Variants in CCDC159 observed in about 807,000 individuals in gnomAD.
CCDC159 encodes coiled-coil domain-containing protein 159.
CCDC159 carries 40 observed loss-of-function variants against 50.9 expected under a neutral mutation model. That is an observed-to-expected ratio of 0.79 (90% CI 0.61 to 1.02). The LOEUF (loss-of-function observed/expected upper bound fraction) is 1.02. CCDC159 is among the 50% of genes least tolerant of loss of function. CCDC159 has a pLI of 0.00. For missense variants in CCDC159, 356 were observed against 371.5 expected (o/e 0.96, Z 0.34); for synonymous variants, 146 against 138.9 (o/e 1.05, Z -0.36).
intron 9 of CCDC159, among the ~76,000 whole-genome samples, chr19:11,354,321 T>C (rs1967758489): frequency 6.6e-6 from 1 of 152,096 alleles, no homozygotes; most frequent in Non-Finnish European, 1.5e-5. Flanking sequence ...GCCTGCGAGG[T>C]TGAGGCTGCA....
At chr19:11,351,152 T>G in intron 5 of CCDC159, 149 bp downstream of exon 5, 5 of 769,566 alleles carry the variant, frequency 6.5e-6, no homozygotes, top group Non-Finnish European at 1.0e-5. Context: ...GAAGAGGGAA[T>G]GAGGCCGGGT....
intron 9 of CCDC159, among the ~76,000 whole-genome samples, chr19:11,354,226 A>G (rs561421116): frequency 9.2e-5 from 14 of 152,146 alleles, no homozygotes; most frequent in African/African-American, 2.4e-4. Flanking sequence ...AAAAATTTAA[A>G]AACTAGCTGG....
intron 1 of CCDC159, chr19:11,349,136 C>T (rs928619882): frequency 7.4e-7 from 1 of 1,352,100 alleles, no homozygotes; most frequent in Middle Eastern, 2.1e-4. Context: ...CAGTCCAGAC[C>T]TGCAGAAGCA....
Position 11,353,878 on chromosome 19 carries a change from AG to A in CCDC159, c.772+7del. On this transcript the variant is annotated splice_donor_5th_base_variant and intron_variant, in intron 9 of 10. Coordinates refer to ENST00000458408, the MANE Select transcript of CCDC159 (RefSeq NM_001080503.3). The stretch of plus-strand genomic sequence containing the variant: ...CCCAAGGCCTCGAGCCTAAGAGGTG[AG>A]GGAGGCTGAGAATTGCTCAGGGGTG... The A allele has an allele frequency of 6.4e-7, 1 of 1,561,206 alleles. No individual in the cohort carries two copies. The highest frequency in any genetic ancestry group is 8.7e-7 in the Non-Finnish European group (1 of 1,154,754).
intron 9 of CCDC159, 109 bp downstream of exon 9, chr19:11,353,983 A>G (rs750001032): frequency 1.2e-6 from 1 of 843,068 alleles, no homozygotes; most frequent in Non-Finnish European, 1.8e-6. Flanking sequence ...GTGTTATTCT[A>G]TGGTCACATT....
At position 11,350,212 on chromosome 19, in the gene CCDC159, C is replaced by A. The variant is rs1362464344; in HGVS notation, c.226+13C>A. ...CAGCAGCTTGAAGGTGAGGACTGACCAGAGATCAAGGTCAGGCTAGGCCAG... is the reference window on the plus strand; with the variant it reads ...CAGCAGCTTGAAGGTGAGGACTGACAAGAGATCAAGGTCAGGCTAGGCCAG... On this transcript the variant is annotated intron_variant, in intron 4 of 10. Transcript: ENST00000458408. The A allele has an allele frequency of 6.2e-7, 1 of 1,605,336 alleles. No homozygotes were observed. Among genetic ancestry groups the A allele is most frequent in the South Asian group, 1.1e-5 (1 of 89,724 alleles).
intron 9 of CCDC159, among the ~76,000 whole-genome samples, chr19:11,354,237 G>A (rs935501913): frequency 6.6e-6 from 1 of 151,948 alleles, no homozygotes; most frequent in Non-Finnish European, 1.5e-5. Context: ...AACTAGCTGG[G>A]TGATGGTGCA....
chr19:11,351,695 G>A, intron 5 of CCDC159: 2 of 522,668 alleles, frequency 3.8e-6, no homozygotes, highest in Non-Finnish European at 3.4e-6. Flanking sequence ...AGGAGGCTGA[G>A]TGGGGTGGGA....
intron 4 of CCDC159, among the ~76,000 whole-genome samples, chr19:11,350,514 G>A (rs1321654361): frequency 3.9e-5 from 6 of 152,100 alleles, no homozygotes; most frequent in Admixed American, 3.3e-4. Context: ...TTAGCCAGGC[G>A]TGGTGGTATG....
chr19:11,348,086 A>C (rs1371966667), intron 1 of CCDC159: 4 of 453,654 alleles, frequency 8.8e-6, no homozygotes, highest in South Asian at 6.3e-5. Flanking sequence ...AGCCATCATG[A>C]ATTTACCAGC....
Position 11,351,948 on chromosome 19 carries a change from G to A in CCDC159, c.465G>A (p.Glu155=). The stretch of plus-strand genomic sequence containing the variant: ...AGGAGCTGGAACTGGTGCGGGAGGA[G>A]GTGACCTTCATCTATCAGAAGCTCC... ...LWEELELVRE[E]VTFIYQKLQA... is the part of the protein sequence containing the mutation. Residue 155 remains glutamate (E), a synonymous_variant, in exon 6 of 11, where the codon GAG becomes GAA. Transcript: ENST00000458408. The A allele has an allele frequency of 1.2e-6, 2 of 1,606,468 alleles. No individual in the cohort carries two copies. Among genetic ancestry groups the A allele is most frequent in the Non-Finnish European group, 1.7e-6 (2 of 1,176,770 alleles).
Position 11,349,930 on chromosome 19 carries a change from GC to G in CCDC159, c.56-5del, listed in dbSNP as rs758176265. ...ACAGCCCTGGCTCACCCTCTTCTCT[GC>G]CCACAGCCAAGACCATTGTGATGAT... On this transcript the variant is annotated splice_region_variant and splice_polypyrimidine_tract_variant and intron_variant, in intron 2 of 10. Transcript: ENST00000458408. 6 of 1,613,246 alleles carry G rather than the reference GC, an allele frequency of 3.7e-6. No homozygotes were observed. Among genetic ancestry groups the G allele is most frequent in the African/African-American group, 1.3e-5 (1 of 74,732 alleles).
At chr19:11,346,901 C>T (rs36106958) in intron 1 of CCDC159, among the ~76,000 whole-genome samples, 13,869 of 152,194 alleles carry the variant, frequency 0.091, 1,239 homozygotes, top group African/African-American at 0.24. Flanking sequence ...CACAGCTCCC[C>T]ATTACTCTAT....
Position 11,350,152 on chromosome 19 carries a change from T to G in CCDC159, c.179T>G (p.Leu60Trp). The G allele has an allele frequency of 6.2e-7, 1 of 1,613,372 alleles. No homozygotes were observed. The highest frequency in any genetic ancestry group is 1.1e-5 in the South Asian group (1 of 90,980). Residue 60 changes from leucine to tryptophan, a missense_variant, in exon 4 of 11, where the codon TTG (leucine) becomes TGG (tryptophan). Physicochemically the swap from Leu to Trp is moderately conservative, Grantham distance 61 (BLOSUM62 -2). Transcript: ENST00000458408. ...FEFLNHSVTMLEKESCLQQIK... is the reference protein window; with the variant it reads ...FEFLNHSVTMWEKESCLQQIK... ...TTCCTGAACCACTCAGTGACCATGT[T>G]GGAGAAGGAGAGCTGCTTGCAGCAA... is the stretch of plus-strand genomic sequence containing the variant.
chr19:11,352,051 C>T lies in CCDC159; in HGVS notation c.491-6C>T. On this transcript the variant is annotated splice_polypyrimidine_tract_variant and splice_region_variant and intron_variant, in intron 6 of 10. Transcript: ENST00000458408. ...CTTTGTCCGCCTGAGCCCCCTCCCT[C>T]CACAGAAGCGCAGGAGGATGAGATC... The T allele has an allele frequency of 1.2e-6, 2 of 1,613,580 alleles. No homozygotes were observed. Among genetic ancestry groups the T allele is most frequent in the Non-Finnish European group, 1.7e-6 (2 of 1,179,636 alleles).
intron 5 of CCDC159, 167 bp from the exon 6 acceptor site, chr19:11,351,739 G>A (rs1418743583): frequency 1.2e-5 from 7 of 589,990 alleles, no homozygotes; most frequent in African/African-American, 2.0e-5. Context: ...GGGATCAGAA[G>A]GAGAGGAGGG....
At chr19:11,347,593 G>A (rs1460636546) in intron 1 of CCDC159, among the ~76,000 whole-genome samples, 10 of 152,196 alleles carry the variant, frequency 6.6e-5, no homozygotes, top group Non-Finnish European at 1.3e-4. Flanking sequence ...GCCTCCCAAA[G>A]TGCTAGGATT....
chr19:11,347,024 G>A (rs997469532), intron 1 of CCDC159, among the ~76,000 whole-genome samples: 1 of 152,046 alleles, frequency 6.6e-6, no homozygotes. Context: ...GTTCAGTAAC[G>A]CGACCAGTAT....
intron 2 of CCDC159, 112 bp from the exon 3 acceptor site, chr19:11,349,826 A>AT: frequency 8.2e-7 from 1 of 1,215,772 alleles, no homozygotes; most frequent in Non-Finnish European, 1.2e-6. Flanking sequence ...CCCCTGTTCT[A>AT]TATCTTATCC....
Sources: allele counts gnomAD v4.1 joint callset (sites outside exome capture counted in the v4.1 genomes callset), GRCh38; gene constraint gnomAD v4.1.1; transcripts MANE v1.5; gene names NCBI Gene and HGNC (gene_info 2026-07-23, HGNC 2026-07-21).